The following CUBN variants were observed in gnomAD, a reference collection of about 807,000 sequenced individuals.
CUBN encodes cubilin, also known as 460 kDa receptor.
A neutral mutation model predicts 405.3 loss-of-function variants in CUBN; 282 were observed. The ratio of observed to expected loss-of-function variants is 0.70; its 90% CI spans 0.63 to 0.77. The LOEUF (loss-of-function observed/expected upper bound fraction) is 0.77. Among genes scored for constraint, CUBN ranks in the 30% least tolerant of loss-of-function variants. The pLI, the probability that CUBN is intolerant of heterozygous loss-of-function variation, is 0.00. For synonymous variants in CUBN, 1,684 were observed against 1,617.0 expected (o/e 1.04, Z -0.99); for missense variants, 4,514 against 4,475.2 (o/e 1.01, Z -0.25).
intron 32 of CUBN, among the ~76,000 whole-genome samples, chr10:16,953,924 A>AGGGG (rs1842984506): frequency 6.7e-6 from 1 of 148,718 alleles, no homozygotes. Flanking sequence ...AGAGGGGAGG[A>AGGGG]AGGGAGGGAA....
chr10:16,964,004 C>G (rs1843318009), intron 31 of CUBN, among the ~76,000 whole-genome samples: 1 of 152,164 alleles, frequency 6.6e-6, no homozygotes, highest in Non-Finnish European at 1.5e-5. Flanking sequence ...GGGACTTCAC[C>G]TGTGTCTTGA....
chr10:17,081,181 T>C (rs958237721), intron 17 of CUBN, among the ~76,000 whole-genome samples: 3 of 152,190 alleles, frequency 2.0e-5, no homozygotes, highest in Non-Finnish European at 4.4e-5. Flanking sequence ...AACCACAGTA[T>C]CTGTGAAAGA....
At chr10:17,032,269 C>T (rs575829430) in intron 27 of CUBN, among the ~76,000 whole-genome samples, 66 of 152,182 alleles carry the variant, frequency 4.3e-4, no homozygotes, top group African/African-American at 1.6e-3. Flanking sequence ...CCTGAGGACT[C>T]AATATTTTCC....
At chr10:17,083,031 A>AC (rs1836006497) in intron 17 of CUBN, among the ~76,000 whole-genome samples, 2 of 151,504 alleles carry the variant, frequency 1.3e-5, no homozygotes, top group African/African-American at 4.9e-5. Flanking sequence ...ATTGAAAGCT[A>AC]TTTTTGCTGT....
intron 64 of CUBN, among the ~76,000 whole-genome samples, chr10:16,834,783 C>G (rs994194922): frequency 3.3e-5 from 5 of 152,164 alleles, no homozygotes; most frequent in South Asian, 2.1e-4. Context: ...TGGCTATACC[C>G]CATCTGTCCT....
At chr10:17,010,498 G>A (rs1472445956) in intron 28 of CUBN, among the ~76,000 whole-genome samples, 4 of 151,920 alleles carry the variant, frequency 2.6e-5, no homozygotes, top group African/African-American at 7.3e-5. Flanking sequence ...AAAATGCCAG[G>A]TGCAGTGGTA....
chr10:16,919,786 A>G (rs1477901040), intron 44 of CUBN, among the ~76,000 whole-genome samples, 177 bp downstream of exon 44: 1 of 152,196 alleles, frequency 6.6e-6, no homozygotes, highest in African/African-American at 2.4e-5. Context: ...TAACCGGCTC[A>G]GCTGATGGGA....
At chr10:16,827,183 T>G (rs865856134) in intron 66 of CUBN, among the ~76,000 whole-genome samples, 2 of 152,288 alleles carry the variant, frequency 1.3e-5, no homozygotes, top group Middle Eastern at 3.4e-3. Flanking sequence ...GACCTAAATG[T>G]CCACTTAGAG....
At chr10:17,129,573 C>T (rs1837272295) in intron 1 of CUBN, 71 bp downstream of exon 1, 2 of 1,600,842 alleles carry the variant, frequency 1.2e-6, no homozygotes. Flanking sequence ...CTTTGTTTAT[C>T]TGGCTATTTG....
rs142120325 is a variant in CUBN at position 16,825,012 on chromosome 10, C to T, written c.10835G>A (p.Arg3612Gln). The change falls in exon 67 of 67, where the codon CGG (arginine) becomes CAG (glutamine). Residue 3612 changes from arginine to glutamine, a missense_variant. Coordinates refer to ENST00000377833, the MANE Select transcript of CUBN (RefSeq NM_001081.4). ...AGTTAATCGGAATGCGGATGGACGC[C>T]GTGCATAATCAGCATGAAATTTTAT... ...VFIKFHADYARRPSAFRLTWD... is the reference protein window; with the variant it reads ...VFIKFHADYAQRPSAFRLTWD... 1.2e-4 allele frequency: 193 copies of T among 1,613,516 alleles called. No individual in the cohort carries two copies. Among genetic ancestry groups the T allele is most frequent in the Non-Finnish European group, 1.3e-4 (153 of 1,179,904 alleles).
chr10:17,099,189 C>T (rs1246598640), intron 14 of CUBN, among the ~76,000 whole-genome samples: 2 of 152,058 alleles, frequency 1.3e-5, no homozygotes, highest in Non-Finnish European at 2.9e-5. Context: ...TGAGAAAATG[C>T]TGAAATTGAT....
intron 27 of CUBN, among the ~76,000 whole-genome samples, chr10:17,026,999 C>T (rs971964977): frequency 6.6e-6 from 1 of 152,222 alleles, no homozygotes; most frequent in East Asian, 1.9e-4. Context: ...CGAAATACCA[C>T]ATTTTGAGTT....
At chr10:16,839,000 C>T (rs1839262001) in intron 62 of CUBN, among the ~76,000 whole-genome samples, 2 of 152,090 alleles carry the variant, frequency 1.3e-5, no homozygotes. Flanking sequence ...CAGACTAGTG[C>T]CAAACAGCCT....
chr10:17,109,419 G>A (rs1836714886), intron 10 of CUBN, among the ~76,000 whole-genome samples: 1 of 152,118 alleles, frequency 6.6e-6, no homozygotes, highest in African/African-American at 2.4e-5. Context: ...TAATTAACTG[G>A]CTTAATTACC....
chr10:17,033,901 G>T (rs183560790), intron 27 of CUBN, among the ~76,000 whole-genome samples: 60 of 152,298 alleles, frequency 3.9e-4, no homozygotes, highest in Admixed American at 3.6e-3. Context: ...GGAAAATGTT[G>T]TTTAGGCTGT....
intron 27 of CUBN, among the ~76,000 whole-genome samples, chr10:17,036,372 A>G (rs1302350360): frequency 1.3e-5 from 2 of 152,198 alleles, no homozygotes; most frequent in African/African-American, 2.4e-5. Context: ...GGATGGGAAC[A>G]GTCAGGGAGC....
At chr10:16,867,765 T>C (rs574233098) in intron 59 of CUBN, among the ~76,000 whole-genome samples, 1 of 152,286 alleles carries the variant, frequency 6.6e-6, no homozygotes, top group African/African-American at 2.4e-5. Context: ...CTTCTGACAG[T>C]GTAAGACTTT....
chr10:16,935,346 T>A (rs1842470496), intron 39 of CUBN, among the ~76,000 whole-genome samples: 1 of 151,330 alleles, frequency 6.6e-6, no homozygotes. Context: ...AGAGATGGGG[T>A]CTCCCTCTGT....
chr10:16,886,531 A>C (rs1840819483), intron 56 of CUBN, among the ~76,000 whole-genome samples: 1 of 143,680 alleles, frequency 7.0e-6, no homozygotes, highest in African/African-American at 2.5e-5. Context: ...TATTTGAAGG[A>C]ATTTCCTTTC....
Sources: gnomAD v4.1 joint callset for allele counts (sites outside exome capture counted in the v4.1 genomes callset) on GRCh38, gnomAD v4.1.1 for gene constraint, MANE v1.5 for transcripts, NCBI Gene and HGNC (gene_info 2026-07-23, HGNC 2026-07-21) for gene names.